The following PLCL1 variants were observed in gnomAD, a reference collection of about 807,000 sequenced individuals.
The protein encoded by PLCL1 is inactive phospholipase C-like protein 1.
Under a neutral mutation model 84.4 loss-of-function variants are expected in PLCL1, and 41 were observed. The observed-to-expected ratio is 0.49, with a 90% CI of 0.38 to 0.63. The LOEUF (loss-of-function observed/expected upper bound fraction) is 0.63. Ranked by LOEUF, PLCL1 falls within the 30% of genes least tolerant of loss-of-function variation. PLCL1 has a pLI of 0.00. For missense variants in PLCL1, 1,206 were observed against 1,367.8 expected, an observed-to-expected ratio of 0.88 and a Z score of 1.87; for synonymous variants, 490 against 488.3, an observed-to-expected ratio of 1.00 and a Z score of -0.05.
chr2:197,974,262 A>G (rs1422548190), intron 1 of PLCL1, among the ~76,000 whole-genome samples: 2 of 152,250 alleles, frequency 1.3e-5, no homozygotes, highest in African/African-American at 2.4e-5. Context: ...GATATCAGAC[A>G]GGCAGCTTGA....
intron 1 of PLCL1, among the ~76,000 whole-genome samples, chr2:197,955,304 A>C (rs1228945919): frequency 6.6e-6 from 1 of 152,028 alleles, no homozygotes; most frequent in Non-Finnish European, 1.5e-5. Context: ...GCAGCTTTGC[A>C]GTGATGGTCC....
chr2:198,105,032 C>T, intron 5 of PLCL1, among the ~76,000 whole-genome samples: 1 of 151,866 alleles, frequency 6.6e-6, no homozygotes, highest in Non-Finnish European at 1.5e-5. Flanking sequence ...TTAGATCCCA[C>T]TGTCAATTTT....
chr2:197,931,090 G>A (rs1052228010), intron 1 of PLCL1, among the ~76,000 whole-genome samples: 3 of 152,094 alleles, frequency 2.0e-5, no homozygotes, highest in African/African-American at 4.8e-5. Context: ...ACCCTCTTAA[G>A]TTTCGTGTGG....
intron 1 of PLCL1, among the ~76,000 whole-genome samples, chr2:198,066,829 C>G (rs1692332074): frequency 6.6e-6 from 1 of 152,122 alleles, no homozygotes; most frequent in Admixed American, 6.5e-5. Context: ...GGCAATTTGC[C>G]TAGCTTGTGT....
chr2:197,951,408 G>T (rs140922092), intron 1 of PLCL1, among the ~76,000 whole-genome samples: 203 of 152,206 alleles, frequency 1.3e-3, no homozygotes, highest in African/African-American at 4.3e-3. Flanking sequence ...GACTGTGCAG[G>T]TTGGGTACCT....
In PLCL1 at chr2:197,846,589, A is replaced by T. The variant is rs989785893; in HGVS notation, c.240+41250A>T. Reference sequence around the variant, plus strand: ...TGGTAAGTGCTGGGGTTGTAAGTATAAATAGGATAGAGTCCCCTAAACCTC... The same window carrying T: ...TGGTAAGTGCTGGGGTTGTAAGTATTAATAGGATAGAGTCCCCTAAACCTC... On this transcript the variant is annotated intron_variant, in intron 1 of 5. Coordinates refer to ENST00000428675, the MANE Select transcript of PLCL1 (RefSeq NM_006226.4). Among the ~76,000 whole-genome samples, 5 of 152,172 alleles carry T rather than the reference A, an allele frequency of 3.3e-5. No homozygotes were observed. In the East Asian group the frequency reaches 9.6e-4, roughly 29 times the overall value.
intron 3 of PLCL1, among the ~76,000 whole-genome samples, chr2:198,093,554 T>C (rs1693109031): frequency 6.6e-6 from 1 of 152,210 alleles, no homozygotes; most frequent in Admixed American, 6.5e-5. Context: ...ATTTATTGCC[T>C]AGTGGTGTGG....
intron 5 of PLCL1, among the ~76,000 whole-genome samples, chr2:198,105,291 G>T (rs1294644645): frequency 1.3e-5 from 2 of 151,940 alleles, no homozygotes; most frequent in Non-Finnish European, 2.9e-5. Context: ...TCTATTGCTT[G>T]TTGTTGTTGA....
chr2:197,847,633 T>C (rs747177169), intron 1 of PLCL1, among the ~76,000 whole-genome samples: 17 of 152,212 alleles, frequency 1.1e-4, no homozygotes, highest in Non-Finnish European at 1.9e-4. Context: ...GAAACTGAAA[T>C]TTGGAGGAAC....
chr2:198,103,869 A>G lies in PLCL1; in HGVS notation c.3038A>G (p.Glu1013Gly). ...GAACTTCATAATTTGGGGGCAAAAG[A>G]AGGCTTGAAGGGAAGAAAACTCAAC... ...HEELHNLGAK[E>G]GLKGRKLNKA... Residue 1013 changes from glutamate to glycine, a missense_variant, in exon 5 of 6, where the codon GAA becomes GGA. Glu to Gly is a moderately conservative substitution (Grantham distance 98). Coordinates refer to ENST00000428675, the MANE Select transcript of PLCL1 (RefSeq NM_006226.4). 6.2e-7 allele frequency: 1 copy of G among 1,607,892 alleles called. No individual in the cohort carries two copies. The highest frequency in any genetic ancestry group is 8.5e-7 in the Non-Finnish European group (1 of 1,176,694).
chr2:198,033,734 T>C (rs1257669364), intron 1 of PLCL1, among the ~76,000 whole-genome samples: 1 of 152,184 alleles, frequency 6.6e-6, no homozygotes, highest in Non-Finnish European at 1.5e-5. Context: ...CTTTCCTGAT[T>C]CTCCGTTTAC....
intron 1 of PLCL1, among the ~76,000 whole-genome samples, chr2:197,849,997 AACACACAG>A (rs1411550085): frequency 1.6e-4 from 24 of 147,684 alleles, no homozygotes; most frequent in African/African-American, 3.3e-4. Context: ...TTAGAGGTTA[AACACACAG>A]ACACACAGAC....
At chr2:197,948,540 C>A (rs1417235320) in intron 1 of PLCL1, among the ~76,000 whole-genome samples, 1 of 151,856 alleles carries the variant, frequency 6.6e-6, no homozygotes, top group Non-Finnish European at 1.5e-5. Context: ...TCACTACCAC[C>A]CATGGCAAAT....
At chr2:197,988,813 A>G (rs1431813913) in intron 1 of PLCL1, among the ~76,000 whole-genome samples, 1 of 152,188 alleles carries the variant, frequency 6.6e-6, no homozygotes, top group East Asian at 1.9e-4. Context: ...TTTTCCATAC[A>G]GGGTGTACTA....
At chr2:198,090,398 C>G (rs1021424766) in intron 3 of PLCL1, among the ~76,000 whole-genome samples, 1 of 151,792 alleles carries the variant, frequency 6.6e-6, no homozygotes, top group African/African-American at 2.4e-5. Context: ...TGTATTTTTT[C>G]TATATTCACC....
chr2:198,143,115 T>A (rs144622072), intron 5 of PLCL1, among the ~76,000 whole-genome samples: 1 of 152,284 alleles, frequency 6.6e-6, no homozygotes, highest in Non-Finnish European at 1.5e-5. Flanking sequence ...ACTCTTTAAA[T>A]ATATACTATA....
rs556542661 is a variant in PLCL1, at chr2:197,828,359, T to A, written c.240+23020T>A. On this transcript the variant is annotated intron_variant, in intron 1 of 5. Transcript: ENST00000428675. ...TTACCTTTGAGTTCAAAACTTGTTT[T>A]ACTAACAGTAAAAAGCACAAAACAT... is the stretch of plus-strand genomic sequence containing the variant. 1.9e-3 allele frequency among the ~76,000 whole-genome samples: 293 copies of A among 152,236 alleles called. 2 individuals carry two copies. Among genetic ancestry groups the A allele is most frequent in the Non-Finnish European group, 3.2e-3 (220 of 67,968 alleles).
intron 5 of PLCL1, among the ~76,000 whole-genome samples, chr2:198,114,795 ATG>A (rs397715153): frequency 6.6e-6 from 1 of 150,506 alleles, no homozygotes; most frequent in African/African-American, 2.4e-5. Flanking sequence ...ACTTCTCTGA[ATG>A]TGTGTGTGTG....
At chr2:197,834,384 A>G (rs180677981) in intron 1 of PLCL1, among the ~76,000 whole-genome samples, 69 of 152,320 alleles carry the variant, frequency 4.5e-4, no homozygotes, top group African/African-American at 1.6e-3. Flanking sequence ...AATGGGAGAA[A>G]ATTTTTGCCA....
Sources: allele counts gnomAD v4.1 joint callset (sites outside exome capture counted in the v4.1 genomes callset), GRCh38; gene constraint gnomAD v4.1.1; transcripts MANE v1.5; gene names NCBI Gene and HGNC (gene_info 2026-07-23, HGNC 2026-07-21).